BAZ2B: variants seen among roughly 807,000 people sequenced by gnomAD.
BAZ2B encodes the protein bromodomain adjacent to zinc finger domain protein 2B.
BAZ2B carries 91 observed loss-of-function variants against 246.0 expected under a neutral mutation model. The observed-to-expected ratio is 0.37, with a 90% CI of 0.31 to 0.44. BAZ2B has a LOEUF of 0.44. Among genes scored for constraint, BAZ2B ranks in the 20% least tolerant of loss-of-function variants. The pLI is 1.00. For missense variants in BAZ2B, 2,332 were observed against 2,533.7 expected (o/e 0.92, Z 1.71); for synonymous variants, 855 against 860.0 (o/e 0.99, Z 0.10).
chr2:159,480,526 G>T (rs1055561784), intron 2 of BAZ2B, among the ~76,000 whole-genome samples: 20 of 151,990 alleles, frequency 1.3e-4, no homozygotes, highest in African/African-American at 4.6e-4. Context: ...TTTCCCTGAA[G>T]AATTAATCTG....
chr2:159,496,190 A>G (rs2151064551), intron 2 of BAZ2B, among the ~76,000 whole-genome samples: 1 of 149,892 alleles, frequency 6.7e-6, no homozygotes, highest in East Asian at 2.0e-4. Flanking sequence ...CCTGGCCAAC[A>G]TGGTGAAACC....
intron 2 of BAZ2B, among the ~76,000 whole-genome samples, chr2:159,502,387 G>C (rs2081940366): frequency 6.6e-6 from 1 of 151,544 alleles, no homozygotes; most frequent in Non-Finnish European, 1.5e-5. Flanking sequence ...CACTTTAGGA[G>C]GCCTAGGTGA....
At chr2:159,579,624 A>G (rs767145437) in intron 1 of BAZ2B, among the ~76,000 whole-genome samples, 1 of 152,214 alleles carries the variant, frequency 6.6e-6, no homozygotes, top group Non-Finnish European at 1.5e-5. Context: ...CAACAAAAAA[A>G]AGATAATTTT....
At chr2:159,395,180 C>G (rs754015665) in intron 20 of BAZ2B, among the ~76,000 whole-genome samples, 2 of 152,098 alleles carry the variant, frequency 1.3e-5, no homozygotes, top group Non-Finnish European at 2.9e-5. Context: ...TCCAAAGCCC[C>G]AGTTATAATG....
chr2:159,680,420 CT>C, the BAZ2B span, among the ~76,000 whole-genome samples: 1 of 152,082 alleles, frequency 6.6e-6, no homozygotes, highest in Non-Finnish European at 1.5e-5. Flanking sequence ...GATTTATTTC[CT>C]ATATTCTAAA....
chr2:159,381,365 C>T (rs1017102063), intron 25 of BAZ2B, among the ~76,000 whole-genome samples: 2 of 152,018 alleles, frequency 1.3e-5, no homozygotes, highest in African/African-American at 4.8e-5. Flanking sequence ...TCCCCCTGCC[C>T]CCAATTATCT....
At chr2:159,474,568 T>C (rs1483233006) in intron 3 of BAZ2B, among the ~76,000 whole-genome samples, 1 of 152,230 alleles carries the variant, frequency 6.6e-6, no homozygotes, top group Non-Finnish European at 1.5e-5. Flanking sequence ...TTAAGGTTAA[T>C]ATTGTTATGT....
At chr2:159,673,375 G>A in the BAZ2B span, among the ~76,000 whole-genome samples, 2 of 152,190 alleles carry the variant, frequency 1.3e-5, no homozygotes, top group Admixed American at 6.5e-5. Context: ...TGGTGAGGCT[G>A]TGAGGAAATA....
intron 1 of BAZ2B, among the ~76,000 whole-genome samples, chr2:159,591,864 T>TAA (rs1287401995): frequency 1.3e-5 from 2 of 152,234 alleles, no homozygotes; most frequent in Non-Finnish European, 2.9e-5. Context: ...TTCTTTAAAA[T>TAA]AATTGATTCT....
intron 2 of BAZ2B, among the ~76,000 whole-genome samples, chr2:159,546,592 C>A (rs2087389683): frequency 6.6e-6 from 1 of 150,648 alleles, no homozygotes; most frequent in Non-Finnish European, 1.5e-5. Context: ...ACAAGTGAAC[C>A]ATTTACAATA....
At chr2:159,574,189 G>A (rs1446980086) in intron 1 of BAZ2B, among the ~76,000 whole-genome samples, 2 of 151,082 alleles carry the variant, frequency 1.3e-5, no homozygotes, top group African/African-American at 4.9e-5. Context: ...ATTTTAAAAT[G>A]GGCAAAGGGT....
At position 159,395,952 on chromosome 2, in the gene BAZ2B, T is replaced by C. The variant is rs1170996481; in HGVS notation, c.3010-118A>G. 7 of 833,744 alleles carry C rather than the reference T, an allele frequency of 8.4e-6. No individual in the cohort carries two copies. In the East Asian group the frequency reaches 1.1e-4, roughly 13 times the overall value. The allele number at this position is 833,744 out of a possible 1,614,324, so 51.6% of individuals were successfully genotyped here. On this transcript the variant is annotated intron_variant, in intron 19 of 36. Transcript: ENST00000392783. The stretch of plus-strand genomic sequence containing the variant: ...CTCAGTATAGCATGTTTAGCATTTA[T>C]AGACAAGTCACAGTAAATACTAAAT...
chr2:159,481,413 A>T (rs2079212422), intron 2 of BAZ2B, among the ~76,000 whole-genome samples: 1 of 151,232 alleles, frequency 6.6e-6, no homozygotes, highest in African/African-American at 2.4e-5. Flanking sequence ...TAGAACTTAA[A>T]GTATAATAAA....
intron 27 of BAZ2B, among the ~76,000 whole-genome samples, chr2:159,369,649 C>G (rs1205790531): frequency 1.3e-5 from 2 of 152,048 alleles, no homozygotes; most frequent in Admixed American, 6.6e-5. Context: ...GAATGTGGCT[C>G]TTAAACATAT....
At chr2:159,651,689 T>A in the BAZ2B span, among the ~76,000 whole-genome samples, 69,807 of 151,896 alleles carry the variant, frequency 0.46, 16,859 homozygotes, top group Middle Eastern at 0.64. Context: ...CCCACAAAAG[T>A]TACCCCACAC....
At chr2:159,554,869 T>C (rs898345198) in intron 2 of BAZ2B, among the ~76,000 whole-genome samples, 3 of 152,082 alleles carry the variant, frequency 2.0e-5, no homozygotes, top group Non-Finnish European at 4.4e-5. Context: ...TTAGGTAATA[T>C]ATGTCCTTAC....
At chr2:159,627,137 A>G in the BAZ2B span, among the ~76,000 whole-genome samples, 1 of 152,176 alleles carries the variant, frequency 6.6e-6, no homozygotes, top group African/African-American at 2.4e-5. Context: ...GAATCCCTGA[A>G]TAGACCAATA....
At chr2:159,470,891 T>C (rs555399080) in intron 3 of BAZ2B, among the ~76,000 whole-genome samples, 1 of 152,264 alleles carries the variant, frequency 6.6e-6, no homozygotes, top group East Asian at 1.9e-4. Flanking sequence ...AATGTATATG[T>C]TCAGGAGCTC....
At chr2:159,669,222 TA>T in the BAZ2B span, among the ~76,000 whole-genome samples, 10,067 of 152,284 alleles carry the variant, frequency 0.066, 430 homozygotes, top group Middle Eastern at 0.19. Context: ...ATTTTTTATT[TA>T]GGGGGGTGTT....
Sources: gnomAD v4.1 joint callset for allele counts (sites outside exome capture counted in the v4.1 genomes callset) on GRCh38, gnomAD v4.1.1 for gene constraint, MANE v1.5 for transcripts, NCBI Gene and HGNC (gene_info 2026-07-23, HGNC 2026-07-21) for gene names.